SPOCK1: variants seen among roughly 807,000 people sequenced by gnomAD.
SPOCK1 encodes testican-1.
SPOCK1 carries 23 observed loss-of-function variants against 55.3 expected under a neutral mutation model. The observed-to-expected ratio is 0.42, with a 90% CI of 0.30 to 0.59. The LOEUF (loss-of-function observed/expected upper bound fraction) is 0.59. Ranked by LOEUF, SPOCK1 falls within the 20% of genes least tolerant of loss-of-function variation. The probability of loss-of-function intolerance (pLI) is 0.22; values close to 1 mark genes in which losing one functional copy is unlikely to be tolerated. For synonymous variants in SPOCK1, 226 were observed against 221.0 expected, an observed-to-expected ratio of 1.02 and a Z score of -0.20; for missense variants, 499 against 552.5, an observed-to-expected ratio of 0.90 and a Z score of 0.97.
intron 6 of SPOCK1, among the ~76,000 whole-genome samples, chr5:136,998,519 C>G (rs1043242817): frequency 4.6e-5 from 7 of 152,234 alleles, no homozygotes. Context: ...GCAGGACTTA[C>G]TTCCTGGATA....
At chr5:137,168,465 T>A (rs1202069889) in intron 3 of SPOCK1, among the ~76,000 whole-genome samples, 1 of 151,996 alleles carries the variant, frequency 6.6e-6, no homozygotes, top group African/African-American at 2.4e-5. Flanking sequence ...GATAAAGGGA[T>A]TAATAACCAA....
intron 6 of SPOCK1, among the ~76,000 whole-genome samples, chr5:137,036,421 C>G (rs1306971097): frequency 6.6e-6 from 1 of 152,092 alleles, no homozygotes; most frequent in Non-Finnish European, 1.5e-5. Context: ...GCTCCTGTGT[C>G]CTCCTCCCTA....
At chr5:137,358,038 T>TCCTTCC (rs1475957050) in intron 2 of SPOCK1, among the ~76,000 whole-genome samples, 1 of 152,134 alleles carries the variant, frequency 6.6e-6, no homozygotes, top group African/African-American at 2.4e-5. Context: ...GAGTCCCATT[T>TCCTTCC]CCTTCCTGAG....
intron 6 of SPOCK1, among the ~76,000 whole-genome samples, chr5:137,064,815 T>C (rs1374541502): frequency 6.6e-6 from 1 of 152,198 alleles, no homozygotes; most frequent in African/African-American, 2.4e-5. Flanking sequence ...CTCAATTTTG[T>C]CCAGGTAAAG....
chr5:137,283,978 G>A (rs1370554869), intron 2 of SPOCK1, among the ~76,000 whole-genome samples: 1 of 152,194 alleles, frequency 6.6e-6, no homozygotes, highest in Non-Finnish European at 1.5e-5. Context: ...CCTACAACAG[G>A]AAGCAAATGA....
chr5:137,011,716 T>TA (rs1336937169), intron 6 of SPOCK1, among the ~76,000 whole-genome samples: 1 of 152,218 alleles, frequency 6.6e-6, no homozygotes, highest in Non-Finnish European at 1.5e-5. Context: ...AAGCCACTGT[T>TA]ATGGACTTTA....
At chr5:137,468,573 G>A (rs911957075) in intron 2 of SPOCK1, among the ~76,000 whole-genome samples, 5 of 152,128 alleles carry the variant, frequency 3.3e-5, no homozygotes, top group Non-Finnish European at 5.9e-5. Flanking sequence ...TCCTATTGAC[G>A]AAGGACCATC....
intron 2 of SPOCK1, among the ~76,000 whole-genome samples, chr5:137,442,450 T>C (rs1170161657): frequency 6.6e-6 from 1 of 152,216 alleles, no homozygotes; most frequent in Non-Finnish European, 1.5e-5. Context: ...TTAGTATTGT[T>C]TCTGCACTGG....
intron 2 of SPOCK1, among the ~76,000 whole-genome samples, chr5:137,376,435 A>G (rs1751319516): frequency 6.6e-6 from 1 of 152,242 alleles, no homozygotes; most frequent in African/African-American, 2.4e-5. Context: ...TGCAAGAGGC[A>G]AAGGAGTAAT....
At chr5:137,338,888 G>A (rs1455205426) in intron 2 of SPOCK1, among the ~76,000 whole-genome samples, 1 of 152,138 alleles carries the variant, frequency 6.6e-6, no homozygotes, top group South Asian at 2.1e-4. Context: ...CTAATGAACT[G>A]TACTGTTATT....
chr5:137,216,309 C>T (rs17778739), intron 3 of SPOCK1, among the ~76,000 whole-genome samples: 2 of 152,130 alleles, frequency 1.3e-5, no homozygotes, highest in Non-Finnish European at 2.9e-5. Flanking sequence ...GCTGTTATGG[C>T]TCATTCAGTT....
At chr5:137,267,218 C>A (rs1332474628) in intron 2 of SPOCK1, among the ~76,000 whole-genome samples, 163 bp from the exon 3 acceptor site, 1 of 152,142 alleles carries the variant, frequency 6.6e-6, no homozygotes, top group Admixed American at 6.5e-5. Context: ...AAAAAAATAT[C>A]AATTTCCTTT....
chr5:137,052,821 AATTT>A (rs1253836586), intron 6 of SPOCK1, among the ~76,000 whole-genome samples: 1 of 152,146 alleles, frequency 6.6e-6, no homozygotes, highest in African/African-American at 2.4e-5. Context: ...TAATTTTAAA[AATTT>A]ATTCTTTGTA....
chr5:137,130,699 A>T (rs1414374179), intron 4 of SPOCK1, among the ~76,000 whole-genome samples: 1 of 152,168 alleles, frequency 6.6e-6, no homozygotes, highest in Non-Finnish European at 1.5e-5. Flanking sequence ...GGTCAATGTC[A>T]CTGTTCCGAA....
At chr5:137,278,031 C>T (rs1371158676) in intron 2 of SPOCK1, among the ~76,000 whole-genome samples, 1 of 152,186 alleles carries the variant, frequency 6.6e-6, no homozygotes, top group African/African-American at 2.4e-5. Context: ...TAGCATGAAT[C>T]ATCTCTCTGG....
intron 2 of SPOCK1, among the ~76,000 whole-genome samples, chr5:137,293,742 C>A (rs2905551): frequency 0.52 from 79,013 of 152,096 alleles, 21,156 homozygotes; most frequent in African/African-American, 0.64. Flanking sequence ...ATGCACCGGG[C>A]GTGGTGGCTC....
intron 2 of SPOCK1, among the ~76,000 whole-genome samples, chr5:137,377,447 C>A (rs749794129): frequency 6.6e-6 from 1 of 152,164 alleles, no homozygotes; most frequent in East Asian, 1.9e-4. Flanking sequence ...AGGGAAGAAG[C>A]CTTGAGGAAC....
At chr5:137,447,954 A>G (rs563621501) in intron 2 of SPOCK1, among the ~76,000 whole-genome samples, 1 of 152,314 alleles carries the variant, frequency 6.6e-6, no homozygotes, top group East Asian at 1.9e-4. Flanking sequence ...ATTGGTATTA[A>G]AAAATAAATA....
chr5:137,078,418 G>A (rs898788150), intron 5 of SPOCK1, among the ~76,000 whole-genome samples: 1 of 152,176 alleles, frequency 6.6e-6, no homozygotes, highest in Non-Finnish European at 1.5e-5. Context: ...TCCACAGACA[G>A]AATTCACCGG....
Sources: allele counts gnomAD v4.1 joint callset (sites outside exome capture counted in the v4.1 genomes callset), GRCh38; gene constraint gnomAD v4.1.1; transcripts MANE v1.5; gene names NCBI Gene and HGNC (gene_info 2026-07-23, HGNC 2026-07-21).